Variants in PTPRN2 observed in about 807,000 individuals in gnomAD.
PTPRN2 encodes the protein protein tyrosine phosphatase receptor type N2.
A neutral mutation model predicts 118.8 loss-of-function variants in PTPRN2; 74 were observed. That is an observed-to-expected ratio of 0.62 (90% CI 0.52 to 0.76). The LOEUF is 0.76. PTPRN2 is among the 30% of genes least tolerant of loss of function. PTPRN2 has a pLI of 0.00. For missense variants in PTPRN2, 1,481 were observed against 1,394.4 expected (o/e 1.06, Z -0.99); for synonymous variants, 641 against 608.0 (o/e 1.05, Z -0.80).
chr7:158,367,589 G>A (rs149951621), intron 2 of PTPRN2, among the ~76,000 whole-genome samples: 9 of 152,296 alleles, frequency 5.9e-5, no homozygotes, highest in African/African-American at 1.2e-4. Context: ...TTAGCTCTCC[G>A]CGGGCGAAGG....
chr7:157,667,502 C>T (rs1042899693), intron 13 of PTPRN2, among the ~76,000 whole-genome samples: 2 of 152,248 alleles, frequency 1.3e-5, no homozygotes, highest in African/African-American at 2.4e-5. Flanking sequence ...CTGGGGGCCT[C>T]TGGCAGGGCC....
intron 2 of PTPRN2, among the ~76,000 whole-genome samples, chr7:158,373,728 G>C (rs964560758): frequency 6.6e-6 from 1 of 152,242 alleles, no homozygotes; most frequent in East Asian, 1.9e-4. Context: ...GAAGGAGCAG[G>C]ATTGGAAATA....
At chr7:157,667,780 C>A (rs1163767699) in intron 13 of PTPRN2, among the ~76,000 whole-genome samples, 1 of 152,254 alleles carries the variant, frequency 6.6e-6, no homozygotes, top group Non-Finnish European at 1.5e-5. Context: ...GAACGGTAAA[C>A]CCAGCGCGTC....
At chr7:158,129,249 C>T (rs1563475289) in intron 9 of PTPRN2, among the ~76,000 whole-genome samples, 1 of 146,482 alleles carries the variant, frequency 6.8e-6, no homozygotes, top group Non-Finnish European at 1.5e-5. Flanking sequence ...CAACAGACAC[C>T]CCACACTACA....
At chr7:158,267,237 G>A (rs1797945556) in intron 3 of PTPRN2, among the ~76,000 whole-genome samples, 3 of 152,344 alleles carry the variant, frequency 2.0e-5, no homozygotes, top group East Asian at 1.9e-4. Context: ...CGAGCAGCGA[G>A]GCACTGTGAG....
intron 11 of PTPRN2, among the ~76,000 whole-genome samples, chr7:157,904,806 G>A (rs763404059): frequency 5.9e-5 from 9 of 152,144 alleles, no homozygotes; most frequent in Non-Finnish European, 8.8e-5. Context: ...CTCCTGCATC[G>A]CGAACGCTGC....
chr7:157,955,557 G>A (rs1379727420), intron 11 of PTPRN2, among the ~76,000 whole-genome samples: 5 of 152,172 alleles, frequency 3.3e-5, no homozygotes, highest in African/African-American at 9.7e-5. Context: ...CTGCACCTGC[G>A]TCTGCTTCCA....
chr7:158,454,716 C>A lies in PTPRN2; in HGVS notation c.163+35019G>T, dbSNP rs1163568499. Among the ~76,000 whole-genome samples, 6 of 151,928 alleles carry A rather than the reference C, an allele frequency of 3.9e-5. No individual in the cohort carries two copies. In the East Asian group the frequency reaches 1.2e-3, roughly 29 times the overall value. On this transcript the variant is annotated intron_variant, in intron 2 of 22. Transcript: ENST00000389418. The stretch of plus-strand genomic sequence containing the variant: ...CAGGATTGGGGATGGTTGCTATAGA[C>A]AAAGAAGAGATGAAGAGGGTGCAGG...
chr7:157,879,162 G>T (rs1795972528), intron 12 of PTPRN2, among the ~76,000 whole-genome samples: 1 of 146,732 alleles, frequency 6.8e-6, no homozygotes, highest in Non-Finnish European at 1.5e-5. Flanking sequence ...GGGTCAGTGT[G>T]ATACCGTGCA....
At chr7:158,576,612 A>C (rs1269499251) in intron 1 of PTPRN2, among the ~76,000 whole-genome samples, 1 of 152,224 alleles carries the variant, frequency 6.6e-6, no homozygotes, top group Non-Finnish European at 1.5e-5. Context: ...GGTCCCACAG[A>C]AGCACAGCAT....
intron 6 of PTPRN2, among the ~76,000 whole-genome samples, chr7:158,151,506 T>TATTC (rs1821135891): frequency 6.8e-6 from 1 of 147,838 alleles, no homozygotes; most frequent in Non-Finnish European, 1.5e-5. Flanking sequence ...CGCCCGCCTT[T>TATTC]CTGCTCCTCA....
intron 3 of PTPRN2, among the ~76,000 whole-genome samples, chr7:158,273,670 AGGAGCCGCAGACACAG>A (rs1185665476): frequency 3.9e-5 from 4 of 101,756 alleles, no homozygotes; most frequent in African/African-American, 1.6e-4. Flanking sequence ...CAGACACGGG[AGGAGCCGCAGACACAG>A]GGAGCCGCAG....
chr7:158,575,017 T>C (rs1780440129), intron 1 of PTPRN2, among the ~76,000 whole-genome samples: 1 of 152,252 alleles, frequency 6.6e-6, no homozygotes, highest in African/African-American at 2.4e-5. Context: ...CATATTTTTC[T>C]TCCCTTTTGT....
chr7:157,605,197 GGCCACACCA>G, intron 15 of PTPRN2, among the ~76,000 whole-genome samples: 1 of 152,370 alleles, frequency 6.6e-6, no homozygotes, highest in South Asian at 2.1e-4. Context: ...CACGGGGTCT[GGCCACACCA>G]GTCAGGCACG....
At chr7:158,052,804 GAGACA>G (rs1809437385) in intron 11 of PTPRN2, among the ~76,000 whole-genome samples, 1 of 152,142 alleles carries the variant, frequency 6.6e-6, no homozygotes, top group South Asian at 2.1e-4. Flanking sequence ...GGATCTTTTG[GAGACA>G]CCTGGCCACA....
intron 12 of PTPRN2, among the ~76,000 whole-genome samples, chr7:157,732,856 T>C (rs371216831): frequency 8.8e-4 from 7 of 7,928 alleles, no homozygotes; most frequent in East Asian, 5.6e-3. Flanking sequence ...GCACAGTTAC[T>C]CTTTTCCGTC....
chr7:158,204,098 C>T (rs1019373706), intron 4 of PTPRN2, among the ~76,000 whole-genome samples: 3 of 150,370 alleles, frequency 2.0e-5, no homozygotes, highest in Non-Finnish European at 4.4e-5. Context: ...ACGAAGCCCC[C>T]GCCCTCGGTG....
intron 12 of PTPRN2, among the ~76,000 whole-genome samples, chr7:157,793,402 G>A (rs534975732): frequency 5.3e-5 from 8 of 151,866 alleles, no homozygotes; most frequent in Non-Finnish European, 8.8e-5. Flanking sequence ...GAGTATGCAC[G>A]TTTCTAGAGG....
chr7:158,329,387 C>T (rs2151142916), intron 2 of PTPRN2, among the ~76,000 whole-genome samples: 1 of 152,354 alleles, frequency 6.6e-6, no homozygotes, highest in Admixed American at 6.5e-5. Flanking sequence ...CATGAGGCTC[C>T]TCCTCCATGC....
Sources: gnomAD v4.1 joint callset for allele counts (sites outside exome capture counted in the v4.1 genomes callset) on GRCh38, gnomAD v4.1.1 for gene constraint, MANE v1.5 for transcripts, NCBI Gene and HGNC (gene_info 2026-07-23, HGNC 2026-07-21) for gene names.